The following DCC variants were observed in gnomAD, a reference collection of about 807,000 sequenced individuals.
DCC encodes the protein netrin receptor DCC.
A neutral mutation model predicts 172.5 loss-of-function variants in DCC; 58 were observed. The ratio of observed to expected loss-of-function variants is 0.34; its 90% CI spans 0.27 to 0.42. The LOEUF (loss-of-function observed/expected upper bound fraction) is 0.42, where lower values mean the gene tolerates loss of function less well. Among genes scored for constraint, DCC ranks in the 10% least tolerant of loss-of-function variants. The pLI, the probability that DCC is intolerant of heterozygous loss-of-function variation, is 1.00. For synonymous variants in DCC, 709 were observed against 644.5 expected (o/e 1.10, Z -1.52); for missense variants, 1,740 against 1,791.0 (o/e 0.97, Z 0.51).
intron 1 of DCC, among the ~76,000 whole-genome samples, chr18:52,636,587 C>A (rs538546808): frequency 1.3e-5 from 2 of 152,184 alleles, no homozygotes; most frequent in South Asian, 4.2e-4. Flanking sequence ...TGACAACCTG[C>A]ATGACTCAGC....
chr18:53,427,951 TATAATATA>T lies in DCC; in HGVS notation c.3164-7181_3164-7174del, dbSNP rs1444981467. Among the ~76,000 whole-genome samples, 11 of 50,572 alleles carry T rather than the reference TATAATATA, an allele frequency of 2.2e-4. 3 individuals carry two copies. Among genetic ancestry groups the T allele is most frequent in the Admixed American group, 5.2e-4 (2 of 3,862 alleles). 33.2% of individuals were successfully genotyped at this position (50,572 alleles called of 152,430 possible). A position where few individuals can be genotyped will look rare whatever the true frequency, so the allele number is the denominator to read the frequency against. On this transcript the variant is annotated intron_variant, in intron 21 of 28. Coordinates refer to ENST00000442544, the MANE Select transcript of DCC (RefSeq NM_005215.4). ...TAATATAATATAATATATTATAATA[TATAATATA>T]ATAATATAATATATAATATAATATA...
intron 1 of DCC, among the ~76,000 whole-genome samples, chr18:52,590,798 G>A (rs17828503): frequency 0.034 from 5,170 of 152,272 alleles, 216 homozygotes; most frequent in Admixed American, 0.11. Context: ...GTTCTACAAA[G>A]TAAGATACAC....
chr18:52,950,963 A>AAAAAAAAAAAAAAAAT (rs2040636910), intron 5 of DCC, among the ~76,000 whole-genome samples: 1 of 133,652 alleles, frequency 7.5e-6, no homozygotes, highest in Non-Finnish European at 1.6e-5. Flanking sequence ...AAAAAAAAAA[A>AAAAAAAAAAAAAAAAT]AAAAAAAAGT....
intron 1 of DCC, among the ~76,000 whole-genome samples, chr18:52,424,922 C>A (rs1031136553): frequency 5.3e-5 from 8 of 151,328 alleles, no homozygotes; most frequent in Non-Finnish European, 1.2e-4. Flanking sequence ...ATTTCCTTTT[C>A]TTTTTTATTT....
chr18:53,510,343 G>A (rs185721257), intron 27 of DCC, among the ~76,000 whole-genome samples: 31 of 152,158 alleles, frequency 2.0e-4, no homozygotes, highest in Non-Finnish European at 3.7e-4. Context: ...TGGTAGGGAG[G>A]GTAAGTGAAC....
chr18:52,772,254 C>G (rs17469158), intron 2 of DCC, among the ~76,000 whole-genome samples: 1 of 152,070 alleles, frequency 6.6e-6, no homozygotes, highest in Non-Finnish European at 1.5e-5. Context: ...TCTTTTAAGA[C>G]TAGACCATTG....
At chr18:52,948,267 TAATGA>T (rs2040580335) in intron 5 of DCC, among the ~76,000 whole-genome samples, 1 of 152,068 alleles carries the variant, frequency 6.6e-6, no homozygotes, top group African/African-American at 2.4e-5. Context: ...TCATTATGTT[TAATGA>T]AATCATAAGT....
chr18:53,150,111 C>T (rs1181158812), intron 7 of DCC, among the ~76,000 whole-genome samples: 1 of 152,212 alleles, frequency 6.6e-6, no homozygotes, highest in Non-Finnish European at 1.5e-5. Flanking sequence ...CAAACTGTGA[C>T]AGAGCAGGCT....
At chr18:52,482,671 T>C (rs1397146981) in intron 1 of DCC, among the ~76,000 whole-genome samples, 1 of 152,134 alleles carries the variant, frequency 6.6e-6, no homozygotes, top group Admixed American at 6.5e-5. Context: ...AAGCTCTACC[T>C]CTTAATCCCA....
At chr18:52,607,456 A>G (rs1221877) in intron 1 of DCC, among the ~76,000 whole-genome samples, 123,645 of 152,014 alleles carry the variant, frequency 0.81, 51,034 homozygotes, top group Middle Eastern at 0.91. Flanking sequence ...GTAATGAGCA[A>G]ATTCAAAGTG....
intron 7 of DCC, among the ~76,000 whole-genome samples, chr18:53,116,622 A>G (rs1395748430): frequency 6.6e-6 from 1 of 151,718 alleles, no homozygotes; most frequent in Non-Finnish European, 1.5e-5. Flanking sequence ...TTTCAAATAA[A>G]CATGAAAGTA....
rs1049024941 is a variant in DCC at position 52,658,442 on chromosome 18, C to A, written c.92-93612C>A. ...CTTTTAATCTAAATAACCCTGGGCACATTATGGGCCCCATTTACCTTCTTT... is the reference window on the plus strand; with the variant it reads ...CTTTTAATCTAAATAACCCTGGGCAAATTATGGGCCCCATTTACCTTCTTT... On this transcript the variant is annotated intron_variant, in intron 1 of 28. Coordinates refer to ENST00000442544, the MANE Select transcript of DCC (RefSeq NM_005215.4). Among the ~76,000 whole-genome samples the A allele has an allele frequency of 2.0e-5, 3 of 152,186 alleles. No individual in the cohort carries two copies. The South Asian group carries it at 6.2e-4, about 32-fold the overall frequency.
intron 2 of DCC, among the ~76,000 whole-genome samples, chr18:52,763,894 G>T (rs1225026305): frequency 6.6e-6 from 1 of 152,286 alleles, no homozygotes; most frequent in Admixed American, 6.5e-5. Context: ...TTACAGATCA[G>T]TTTCATGGTT....
intron 1 of DCC, among the ~76,000 whole-genome samples, chr18:52,617,088 C>T (rs536038836): frequency 5.3e-5 from 8 of 152,170 alleles, no homozygotes; most frequent in East Asian, 3.9e-4. Flanking sequence ...TATTATCCGA[C>T]GAAGGTGTAC....
At chr18:53,104,294 G>C (rs2043214343) in intron 7 of DCC, among the ~76,000 whole-genome samples, 1 of 151,992 alleles carries the variant, frequency 6.6e-6, no homozygotes, top group African/African-American at 2.4e-5. Flanking sequence ...TTGTGGGAGG[G>C]AGCCTGTAGG....
At chr18:53,032,245 C>A (rs2042035027) in intron 5 of DCC, among the ~76,000 whole-genome samples, 1 of 152,068 alleles carries the variant, frequency 6.6e-6, no homozygotes, top group African/African-American at 2.4e-5. Flanking sequence ...TTCTAATTTT[C>A]TCTATATAAA....
chr18:53,506,214 TAATAA>T (rs1163199310), intron 27 of DCC, among the ~76,000 whole-genome samples: 1 of 152,182 alleles, frequency 6.6e-6, no homozygotes, highest in Middle Eastern at 3.2e-3. Flanking sequence ...GGTCAGAATA[TAATAA>T]AATAATTAAG....
At chr18:52,869,171 G>C (rs1404541961) in intron 2 of DCC, among the ~76,000 whole-genome samples, 12 of 152,216 alleles carry the variant, frequency 7.9e-5, no homozygotes, top group Non-Finnish European at 2.9e-5. Context: ...GCCATTTGTT[G>C]GTTCCCAAGT....
intron 1 of DCC, among the ~76,000 whole-genome samples, chr18:52,493,938 G>A (rs1490514819): frequency 6.6e-6 from 1 of 151,878 alleles, no homozygotes. Context: ...TATTCTTTCT[G>A]TTTCTCATCA....
Sources: allele counts gnomAD v4.1 joint callset (sites outside exome capture counted in the v4.1 genomes callset), GRCh38; gene constraint gnomAD v4.1.1; transcripts MANE v1.5; gene names NCBI Gene and HGNC (gene_info 2026-07-23, HGNC 2026-07-21).